The following CRYL1 variants were observed in gnomAD, a reference collection of about 807,000 sequenced individuals.
CRYL1 encodes the protein lambda-crystallin homolog.
A neutral mutation model predicts 36.6 loss-of-function variants in CRYL1; 29 were observed. The ratio of observed to expected loss-of-function variants is 0.79; its 90% CI spans 0.59 to 1.08. CRYL1 has a LOEUF of 1.08. CRYL1 is among the 50% of genes least tolerant of loss of function. The pLI, the probability that CRYL1 is intolerant of heterozygous loss-of-function variation, is 0.00. For synonymous variants in CRYL1, 152 were observed against 151.5 expected (o/e 1.00, Z -0.02); for missense variants, 411 against 407.9 (o/e 1.01, Z -0.06).
At chr13:20,495,236 C>T (rs1298643431) in intron 2 of CRYL1, among the ~76,000 whole-genome samples, 1 of 152,210 alleles carries the variant, frequency 6.6e-6, no homozygotes, top group Admixed American at 6.5e-5. Context: ...ACATACCAGG[C>T]TGTGGCATTG....
Position 20,425,413 on chromosome 13 carries a change from GCACCTGCTCACGTTGA to G in CRYL1, c.633+6673_633+6688del, listed in dbSNP as rs1309971701. Reference sequence around the variant, plus strand: ...CCTTGCTCTGTTATAGGGTCTCAGGGCACCTGCTCACGTTGACAATGATATTAGTGAAACGGCAGAG... The same window carrying G: ...CCTTGCTCTGTTATAGGGTCTCAGGGCAATGATATTAGTGAAACGGCAGAG... On this transcript the variant is annotated intron_variant, in intron 5 of 7. Transcript: ENST00000298248. This position sits in a 1 kb window ranked among gnomAD's most constrained non-coding sequence, Gnocchi z 4.4. 2.0e-5 allele frequency among the ~76,000 whole-genome samples: 3 copies of G among 152,174 alleles called. No individual in the cohort carries two copies. Among genetic ancestry groups the G allele is most frequent in the African/African-American group, 7.2e-5 (3 of 41,442 alleles).
chr13:20,500,967 C>A (rs2033692085), intron 2 of CRYL1, among the ~76,000 whole-genome samples: 1 of 152,204 alleles, frequency 6.6e-6, no homozygotes, highest in Non-Finnish European at 1.5e-5. Flanking sequence ...CACATCCATA[C>A]AATGAGACTC....
At chr13:20,417,192 A>G (rs1242082182) in intron 5 of CRYL1, among the ~76,000 whole-genome samples, 1 of 152,204 alleles carries the variant, frequency 6.6e-6, no homozygotes, top group Non-Finnish European at 1.5e-5. Context: ...AAGCTTTTCC[A>G]TTTAGGATGT....
intron 2 of CRYL1, among the ~76,000 whole-genome samples, chr13:20,491,406 T>C (rs1029070654): frequency 6.6e-6 from 1 of 152,138 alleles, no homozygotes; most frequent in Non-Finnish European, 1.5e-5. Context: ...AACAACTCAG[T>C]GTTAAGTACT....
intron 2 of CRYL1, among the ~76,000 whole-genome samples, chr13:20,491,398 C>A (rs2033510162): frequency 6.6e-6 from 1 of 152,180 alleles, no homozygotes; most frequent in Non-Finnish European, 1.5e-5. Context: ...ACCCACAAAA[C>A]AACTCAGTGT....
At chr13:20,505,359 C>CAAAAAAGAAAAAAA (rs2033775344) in intron 2 of CRYL1, among the ~76,000 whole-genome samples, 1 of 91,222 alleles carries the variant, frequency 1.1e-5, no homozygotes, top group Non-Finnish European at 2.3e-5. Flanking sequence ...TCTATCCCAC[C>CAAAAAAGAAAAAAA]AAAAAAAAAA....
At chr13:20,471,820 C>CCT (rs1332677971) in intron 3 of CRYL1, among the ~76,000 whole-genome samples, 1 of 150,688 alleles carries the variant, frequency 6.6e-6, no homozygotes, top group African/African-American at 2.4e-5. Flanking sequence ...TCTTTCTTTC[C>CCT]CTCTCTCTCT....
At chr13:20,470,924 A>C (rs1429153350) in intron 3 of CRYL1, among the ~76,000 whole-genome samples, 22 of 150,220 alleles carry the variant, frequency 1.5e-4, no homozygotes, top group African/African-American at 5.2e-4. Context: ...AAAAAAAAAA[A>C]AACAAAAAAA....
intron 4 of CRYL1, 79 bp downstream of exon 4, chr13:20,439,514 C>CAAAAAAAAAAAAAAGAAAAAAAAA: frequency 6.0e-6 from 2 of 330,904 alleles, no homozygotes; most frequent in Non-Finnish European, 9.1e-6. Flanking sequence ...CCCTCCCCCG[C>CAAAAAAAAAAAAAAGAAAAAAAAA]AAAAAAAAAA....
intron 3 of CRYL1, among the ~76,000 whole-genome samples, chr13:20,456,868 T>TGAA (rs5802077): frequency 0.75 from 114,149 of 151,680 alleles, 43,267 homozygotes; most frequent in Admixed American, 0.81. Context: ...GGAAGTCAGA[T>TGAA]GAAGGACCAG....
chr13:20,431,525 G>A (rs2032059072), intron 5 of CRYL1: 4 of 1,003,132 alleles, frequency 4.0e-6, no homozygotes, highest in South Asian at 4.3e-5. Flanking sequence ...TCATGCAAAT[G>A]TACACGAGAA....
chr13:20,514,378 C>T (rs1565990568), intron 1 of CRYL1, among the ~76,000 whole-genome samples: 1 of 152,212 alleles, frequency 6.6e-6, no homozygotes, highest in African/African-American at 2.4e-5. Flanking sequence ...CCCATAGCAC[C>T]ATTCTCATCA....
rs542635710 is a variant in CRYL1 at position 20,446,572 on chromosome 13, G to A, written c.277-6818C>T. On this transcript the variant is annotated intron_variant, in intron 3 of 7. Coordinates refer to ENST00000298248, the MANE Select transcript of CRYL1 (RefSeq NM_015974.3). ...GCCTTCCCCATTGAGCAGAATGGGAGAACTAGCCAGACCAGAGAATCAGCT... is the reference window on the plus strand; with the variant it reads ...GCCTTCCCCATTGAGCAGAATGGGAAAACTAGCCAGACCAGAGAATCAGCT... 3.9e-5 allele frequency among the ~76,000 whole-genome samples: 6 copies of A among 152,360 alleles called. No individual in the cohort carries two copies. In the East Asian group the frequency reaches 9.6e-4, roughly 24 times the overall value.
intron 5 of CRYL1, among the ~76,000 whole-genome samples, chr13:20,418,229 A>C (rs929666309): frequency 1.3e-5 from 2 of 152,210 alleles, no homozygotes; most frequent in Non-Finnish European, 2.9e-5. Context: ...TGACTGAGTG[A>C]CTGGACGCTC....
At chr13:20,460,205 AC>A (rs138195006) in intron 3 of CRYL1, among the ~76,000 whole-genome samples, 4,490 of 152,214 alleles carry the variant, frequency 0.029, 209 homozygotes, top group African/African-American at 0.1. Context: ...TTTTGTTATG[AC>A]CAACAATACT....
At chr13:20,405,196 G>A (rs368608417) in intron 6 of CRYL1, among the ~76,000 whole-genome samples, 10 of 152,046 alleles carry the variant, frequency 6.6e-5, no homozygotes, top group African/African-American at 2.2e-4. Flanking sequence ...GCTTGAACCC[G>A]GGAGGCAGAG....
intron 2 of CRYL1, among the ~76,000 whole-genome samples, chr13:20,491,275 C>T (rs939006554): frequency 2.3e-5 from 3 of 132,170 alleles, no homozygotes; most frequent in Non-Finnish European, 3.3e-5. Context: ...TTGGAAGATT[C>T]GTAATATATC....
At chr13:20,463,894 C>T (rs2032881565) in intron 3 of CRYL1, among the ~76,000 whole-genome samples, 1 of 152,118 alleles carries the variant, frequency 6.6e-6, no homozygotes, top group African/African-American at 2.4e-5. Context: ...TGTCTACGTC[C>T]ATGCAGAGGA....
intron 4 of CRYL1, chr13:20,433,931 G>A (rs549184435): frequency 1.2e-4 from 19 of 154,318 alleles, no homozygotes; most frequent in Non-Finnish European, 1.9e-4. Context: ...CCACTCCCTG[G>A]TGTCACCACC....
Sources: gnomAD v4.1 joint callset for allele counts (sites outside exome capture counted in the v4.1 genomes callset) on GRCh38, gnomAD v4.1.1 for gene constraint, Gnocchi (gnomAD v3.1) non-coding constraint, MANE v1.5 for transcripts, NCBI Gene and HGNC (gene_info 2026-07-23, HGNC 2026-07-21) for gene names.